The following PPP4R3B variants were observed in gnomAD, a reference collection of about 807,000 sequenced individuals.
The protein encoded by PPP4R3B is protein phosphatase 4 regulatory subunit 3B, also known as serine/threonine-protein phosphatase 4 regulatory subunit 3B.
Under a neutral mutation model 95.4 loss-of-function variants are expected in PPP4R3B, and 52 were observed. The observed-to-expected ratio is 0.54, with a 90% CI of 0.44 to 0.69. PPP4R3B has a LOEUF of 0.69. PPP4R3B is among the 30% of genes least tolerant of loss of function. The pLI is 0.00. For missense variants in PPP4R3B, 1,003 were observed against 1,005.9 expected, an observed-to-expected ratio of 1.00 and a Z score of 0.04; for synonymous variants, 407 against 343.9, an observed-to-expected ratio of 1.18 and a Z score of -2.03.
chr2:55,570,339 T>C (rs1687851001), intron 12 of PPP4R3B, among the ~76,000 whole-genome samples: 3 of 152,222 alleles, frequency 2.0e-5, no homozygotes, highest in African/African-American at 7.2e-5. Flanking sequence ...CTATTTTACC[T>C]GGCTAAATAT....
At chr2:55,593,854 C>G (rs907700385) in intron 4 of PPP4R3B, among the ~76,000 whole-genome samples, 1 of 152,132 alleles carries the variant, frequency 6.6e-6, no homozygotes, top group African/African-American at 2.4e-5. Flanking sequence ...AAAAAGACAC[C>G]TGCACTTGTA....
At chr2:55,576,224 C>T (rs1362418963) in intron 11 of PPP4R3B, among the ~76,000 whole-genome samples, 2 of 152,120 alleles carry the variant, frequency 1.3e-5, no homozygotes, top group Non-Finnish European at 2.9e-5. Flanking sequence ...TGGTGCACAC[C>T]TGTGATCCCA....
chr2:55,563,296 T>C (rs964763749), intron 15 of PPP4R3B, among the ~76,000 whole-genome samples: 94 of 152,384 alleles, frequency 6.2e-4, no homozygotes, highest in Non-Finnish European at 1.5e-4. Flanking sequence ...TTCTGAGAAT[T>C]GTCTTTAGAA....
At chr2:55,592,539 T>C (rs538853462) in intron 4 of PPP4R3B, among the ~76,000 whole-genome samples, 2 of 152,240 alleles carry the variant, frequency 1.3e-5, no homozygotes, top group South Asian at 2.1e-4. Context: ...TTAAAGAGTA[T>C]CTGAAGATTT....
In PPP4R3B at chr2:55,578,315, C is replaced by A; in HGVS notation, c.1496G>T (p.Ser499Ile). 2.1e-6 allele frequency: 3 copies of A among 1,452,574 alleles called. No homozygotes were observed. The highest frequency in any genetic ancestry group is 1.8e-6 in the Non-Finnish European group (2 of 1,101,720). 90.0% of individuals were successfully genotyped at this position (1,452,574 alleles called of 1,614,324 possible). A position where few individuals can be genotyped will look rare whatever the true frequency, so the allele number is the denominator to read the frequency against. ...KDFFLKHYRY[S>I]WSFICTPSHS... ...TGAAGGGGTACATATGAAACTCCAA[C>A]TATATCTGTAATGTTTTAAAAAAAA... is the stretch of plus-strand genomic sequence containing the variant. Residue 499 changes from serine (S) to isoleucine (I), a missense_variant, in exon 10 of 17, where the codon AGT becomes ATT. Ser to Ile is a moderately radical substitution (Grantham distance 142, BLOSUM62 -2). Around this residue, in one of 3 missense-constraint regions of PPP4R3B, gnomAD observed 695 missense variants for 686.2 expected, o/e 1.01. Coordinates refer to ENST00000616407, the MANE Select transcript of PPP4R3B (RefSeq NM_001122964.3).
Position 55,574,054 on chromosome 2 carries a change from A to AT in PPP4R3B, c.1607-278dup, listed in dbSNP as rs527711817. On this transcript the variant is annotated intron_variant, in intron 11 of 16. Coordinates refer to ENST00000616407, the MANE Select transcript of PPP4R3B (RefSeq NM_001122964.3). ...CAGATGTACGCCACCATGCTAGCTA[A>AT]TTTTTTTTTTCAAGTTTTTGTAGAG... 1.1e-3 allele frequency among the ~76,000 whole-genome samples: 156 copies of AT among 148,364 alleles called. 1 individual carries two copies. The highest frequency in any genetic ancestry group is 0.01 in the Middle Eastern group (3 of 290).
chr2:55,549,688 T>C lies in PPP4R3B; in HGVS notation c.*223A>G, dbSNP rs544401416. 24 of 486,878 alleles carry C rather than the reference T, an allele frequency of 4.9e-5. No homozygotes were observed. Among genetic ancestry groups the C allele is most frequent in the African/African-American group, 4.7e-4 (23 of 49,276 alleles). 30.2% of individuals were successfully genotyped at this position (486,878 alleles called of 1,614,324 possible). ...CAGGTTCTGGTTACTAATGTTTGTT[T>C]TGACAGCCTAAAAGGCAAACCCCTT... On this transcript the variant is annotated 3_prime_UTR_variant, in exon 17 of 17. Transcript: ENST00000616407.
At chr2:55,586,756 T>A (rs759235004) in intron 5 of PPP4R3B, 22 bp from the exon 6 acceptor site, 1 of 1,419,172 alleles carries the variant, frequency 7.0e-7, no homozygotes, top group Non-Finnish European at 9.9e-7. Context: ...GAAATTTTAG[T>A]GAGACATTGA....
chr2:55,614,240 A>G (rs1572758690), intron 2 of PPP4R3B: 1 of 152,336 alleles, frequency 6.6e-6, no homozygotes, highest in East Asian at 1.9e-4. Flanking sequence ...CCAAATTTTC[A>G]TAAACCTTGA....
chr2:55,596,470 G>A (rs183853480), intron 4 of PPP4R3B, among the ~76,000 whole-genome samples: 211 of 152,312 alleles, frequency 1.4e-3, no homozygotes, highest in African/African-American at 5.0e-3. Context: ...AATTACTATA[G>A]TTTGTAAATG....
intron 16 of PPP4R3B, among the ~76,000 whole-genome samples, chr2:55,556,032 T>A (rs1328758862): frequency 6.6e-6 from 1 of 152,258 alleles, no homozygotes; most frequent in Non-Finnish European, 1.5e-5. Flanking sequence ...TAGTAGCTAA[T>A]GTCTAGCCAG....
rs373863806 is a variant in PPP4R3B at position 55,579,813 on chromosome 2, T to C, written c.1366-32A>G. On this transcript the variant is annotated intron_variant, in intron 8 of 16. Coordinates refer to ENST00000616407, the MANE Select transcript of PPP4R3B (RefSeq NM_001122964.3). ...CATAGAATTTTTTAAACAATACTGT[T>C]ACTTATGTAAATAAAAACATCTTCA... The C allele has an allele frequency of 2.3e-5, 31 of 1,374,926 alleles. No homozygotes were observed. In the South Asian group the frequency reaches 3.5e-4, roughly 16 times the overall value. 85.2% of individuals were successfully genotyped at this position (1,374,926 alleles called of 1,614,324 possible). A position where few individuals can be genotyped will look rare whatever the true frequency, so the allele number is the denominator to read the frequency against.
intron 11 of PPP4R3B, among the ~76,000 whole-genome samples, chr2:55,576,868 A>G (rs1464318791): frequency 6.6e-6 from 1 of 152,222 alleles, no homozygotes; most frequent in Non-Finnish European, 1.5e-5. Flanking sequence ...GGCTGGCAGA[A>G]AAGGTATGGG....
chr2:55,568,801 G>A (rs1687619630), intron 12 of PPP4R3B, among the ~76,000 whole-genome samples: 1 of 152,190 alleles, frequency 6.6e-6, no homozygotes, highest in South Asian at 2.1e-4. Context: ...TCATTAAGGT[G>A]GGCACAGGAG....
In PPP4R3B at chr2:55,585,138, A is replaced by G. The variant is rs370794928; in HGVS notation, c.1146T>C (p.Ala382=). 2.9e-5 allele frequency: 46 copies of G among 1,610,430 alleles called. No individual in the cohort carries two copies. Among genetic ancestry groups the G allele is most frequent in the Non-Finnish European group, 3.4e-5 (40 of 1,178,704 alleles). The change falls in exon 7 of 17, where the codon GCT becomes GCC. Residue 382 remains alanine (A), a synonymous_variant. Coordinates refer to ENST00000616407, the MANE Select transcript of PPP4R3B (RefSeq NM_001122964.3). ...MGMDDLQVRS[A]ATDIFSYLVE... The stretch of plus-strand genomic sequence containing the variant: ...CTAGATAAGAAAATATATCTGTAGC[A>G]GCTGATCTGACTTGCAAATCATCCA...
rs1688287686 is a variant in PPP4R3B at position 55,573,694 on chromosome 2, T to A, written c.1690A>T (p.Asn564Tyr). The A allele has an allele frequency of 6.5e-7, 1 of 1,546,630 alleles. No individual in the cohort carries two copies. Among genetic ancestry groups the A allele is most frequent in the African/African-American group, 1.4e-5 (1 of 72,796 alleles). The change falls in exon 12 of 17, where the codon AAC (asparagine) becomes TAC (tyrosine). Residue 564 changes from asparagine to tyrosine, a missense_variant. By Grantham distance (143) the Asn-to-Tyr change is moderately radical (BLOSUM62 -2). Around this residue, in one of 3 missense-constraint regions of PPP4R3B, gnomAD observed 695 missense variants for 686.2 expected, o/e 1.01. Coordinates refer to ENST00000616407, the MANE Select transcript of PPP4R3B (RefSeq NM_001122964.3). ...AGCAAGTCCTTGTTCATAATATAGT[T>A]TTTTATGTGATATGTGTGATGTTCC... ...CVEHHTYHIK[N>Y]YIMNKDLLRR...
chr2:55,597,788 C>A (rs986707121), intron 4 of PPP4R3B, among the ~76,000 whole-genome samples: 1 of 151,998 alleles, frequency 6.6e-6, no homozygotes, highest in African/African-American at 2.4e-5. Flanking sequence ...GCAACAAGAG[C>A]AAAACTCCAT....
chr2:55,567,126 A>G (rs1471676444), intron 13 of PPP4R3B, among the ~76,000 whole-genome samples: 1 of 152,220 alleles, frequency 6.6e-6, no homozygotes, highest in East Asian at 1.9e-4. Context: ...CTGGTTCTAC[A>G]GTTATCTGTT....
chr2:55,571,410 T>A (rs1420015091), intron 12 of PPP4R3B, among the ~76,000 whole-genome samples: 1 of 152,194 alleles, frequency 6.6e-6, no homozygotes, highest in East Asian at 1.9e-4. Context: ...TAGGAAAATC[T>A]GTCTTAAGAA....
Sources: allele counts gnomAD v4.1 joint callset (sites outside exome capture counted in the v4.1 genomes callset), GRCh38; gene constraint gnomAD v4.1.1; regional missense constraint gnomAD v4.1.1; transcripts MANE v1.5; gene names NCBI Gene and HGNC (gene_info 2026-07-23, HGNC 2026-07-21).